The following GRID2 variants were observed in gnomAD, a reference collection of about 807,000 sequenced individuals.
The protein encoded by GRID2 is glutamate ionotropic receptor delta type subunit 2, also known as glutamate receptor ionotropic, delta-2.
A neutral mutation model predicts 114.8 loss-of-function variants in GRID2; 33 were observed. The observed-to-expected ratio is 0.29, with a 90% confidence interval of 0.22 to 0.38. The LOEUF is 0.38. Among genes scored for constraint, GRID2 ranks in the 10% least tolerant of loss-of-function variants. The probability of loss-of-function intolerance (pLI) is 1.00; values close to 1 mark genes in which losing one functional copy is unlikely to be tolerated. For missense variants in GRID2, 1,184 were observed against 1,257.7 expected, an observed-to-expected ratio of 0.94 and a Z score of 0.89; for synonymous variants, 505 against 449.9, an observed-to-expected ratio of 1.12 and a Z score of -1.55.
At chr4:92,878,935 A>G (rs912664029) in intron 2 of GRID2, among the ~76,000 whole-genome samples, 5 of 152,144 alleles carry the variant, frequency 3.3e-5, no homozygotes, top group African/African-American at 7.2e-5. Context: ...CTGTTGGTAT[A>G]CAAAATGTTA....
chr4:92,599,021 G>C (rs1489823200), intron 2 of GRID2, among the ~76,000 whole-genome samples: 1 of 140,160 alleles, frequency 7.1e-6, no homozygotes, highest in Non-Finnish European at 1.5e-5. Context: ...ATAATGAAAT[G>C]CTTTTCCTTT....
At chr4:92,432,353 G>A (rs1732504244) in intron 1 of GRID2, among the ~76,000 whole-genome samples, 1 of 152,120 alleles carries the variant, frequency 6.6e-6, no homozygotes, top group Admixed American at 6.5e-5. Context: ...AGCTGGCCCA[G>A]GGTGGGTCCA....
chr4:93,660,429 T>C (rs1176787013), intron 14 of GRID2, among the ~76,000 whole-genome samples: 1 of 151,956 alleles, frequency 6.6e-6, no homozygotes, highest in Non-Finnish European at 1.5e-5. Context: ...GTCAGAGAGG[T>C]ACGATTTAAT....
chr4:93,780,814 C>G (rs962938028), intron 1 of GRID2, among the ~76,000 whole-genome samples: 1 of 152,070 alleles, frequency 6.6e-6, no homozygotes, highest in African/African-American at 2.4e-5. Flanking sequence ...GAAACAGGCT[C>G]TTAAAGGGGC....
rs548001358 is a variant in GRID2, at chr4:93,608,882, G to A, written c.2194-17387G>A. Among the ~76,000 whole-genome samples the A allele has an allele frequency of 7.6e-5, 10 of 131,976 alleles. 2 individuals are homozygous for A. The South Asian group carries it at 1.3e-3, about 17-fold the overall frequency. 86.6% of individuals were successfully genotyped at this position (131,976 alleles called of 152,430 possible). ...TCTAGTTCTAGATCCCTGAGGAATC[G>A]CCACACTGACTTCCACAATGGTTGA... On this transcript the variant is annotated intron_variant, in intron 13 of 15. Transcript: ENST00000282020.
chr4:93,221,779 G>T (rs1744903631), intron 6 of GRID2, among the ~76,000 whole-genome samples: 1 of 152,118 alleles, frequency 6.6e-6, no homozygotes, highest in Non-Finnish European at 1.5e-5. Context: ...GTAATGAAAA[G>T]CTCAGGGAAT....
At chr4:93,712,712 A>G (rs895051898) in intron 14 of GRID2, among the ~76,000 whole-genome samples, 3 of 152,212 alleles carry the variant, frequency 2.0e-5, no homozygotes, top group Non-Finnish European at 4.4e-5. Context: ...TTTTATTTCC[A>G]TAATGTGTGA....
intron 2 of GRID2, among the ~76,000 whole-genome samples, chr4:92,727,514 T>C (rs1736123356): frequency 6.6e-6 from 1 of 152,050 alleles, no homozygotes; most frequent in African/African-American, 2.4e-5. Flanking sequence ...CTGATATCCT[T>C]TGGGTTGGTT....
intron 14 of GRID2, among the ~76,000 whole-genome samples, chr4:93,652,064 A>G (rs1722628503): frequency 6.6e-6 from 1 of 152,164 alleles, no homozygotes; most frequent in African/African-American, 2.4e-5. Flanking sequence ...GTTATGGGCT[A>G]AATTTTGAAG....
chr4:92,978,169 G>A (rs528439273), intron 2 of GRID2, among the ~76,000 whole-genome samples: 3 of 152,162 alleles, frequency 2.0e-5, no homozygotes, highest in Non-Finnish European at 4.4e-5. Flanking sequence ...ATAGCCAAAG[G>A]TGTTGGAGGA....
chr4:93,005,672 A>T lies in GRID2; in HGVS notation c.245-79323A>T, dbSNP rs553863139. Among the ~76,000 whole-genome samples, 9 of 152,276 alleles carry T rather than the reference A, an allele frequency of 5.9e-5. No homozygotes were observed. The East Asian group carries it at 1.5e-3, about 26-fold the overall frequency. On this transcript the variant is annotated intron_variant, in intron 2 of 15. Coordinates refer to ENST00000282020, the MANE Select transcript of GRID2 (RefSeq NM_001510.4). ...CCCCAAGTCTTTCAACTGATTAATC[A>T]TTAAAAAGTCATAGTATATACATGC...
At chr4:92,367,584 A>G (rs1414647283) in intron 1 of GRID2, among the ~76,000 whole-genome samples, 1 of 152,182 alleles carries the variant, frequency 6.6e-6, no homozygotes, top group East Asian at 1.9e-4. Context: ...CTGGCAGCAT[A>G]TAGTGGGCAT....
intron 2 of GRID2, among the ~76,000 whole-genome samples, chr4:92,655,134 T>G (rs529279413): frequency 6.6e-5 from 10 of 152,176 alleles, no homozygotes; most frequent in African/African-American, 1.9e-4. Context: ...CAAGCACCAT[T>G]TATTGAAGAA....
At chr4:93,133,975 A>G (rs1351928402) in intron 4 of GRID2, among the ~76,000 whole-genome samples, 1 of 152,208 alleles carries the variant, frequency 6.6e-6, no homozygotes, top group Non-Finnish European at 1.5e-5. Context: ...AGAAGAATGC[A>G]TAGTCTCACT....
At chr4:93,290,127 C>T (rs145257947) in intron 8 of GRID2, among the ~76,000 whole-genome samples, 2 of 152,222 alleles carry the variant, frequency 1.3e-5, no homozygotes, top group African/African-American at 2.4e-5. Context: ...TAAAATCTGG[C>T]AAAACTGCCC....
At chr4:93,789,097 A>G (rs1310985725) in intron 1 of GRID2, among the ~76,000 whole-genome samples, 2 of 152,248 alleles carry the variant, frequency 1.3e-5, no homozygotes, top group African/African-American at 2.4e-5. Context: ...GCTAAAACAC[A>G]TGAATAATAG....
intron 2 of GRID2, among the ~76,000 whole-genome samples, chr4:93,001,320 C>T (rs966767176): frequency 2.0e-5 from 3 of 151,544 alleles, no homozygotes; most frequent in Admixed American, 6.6e-5. Context: ...TTTCAACACA[C>T]GCCCTCCAAT....
At chr4:93,535,934 C>T (rs1368404089) in intron 13 of GRID2, among the ~76,000 whole-genome samples, 1 of 151,784 alleles carries the variant, frequency 6.6e-6, no homozygotes, top group East Asian at 1.9e-4. Flanking sequence ...GCGTTTGTTG[C>T]CTATACTTTT....
At chr4:93,398,880 A>G (rs769087686) in intron 9 of GRID2, among the ~76,000 whole-genome samples, 2 of 150,816 alleles carry the variant, frequency 1.3e-5, no homozygotes, top group South Asian at 2.1e-4. Flanking sequence ...CATGCTTCCT[A>G]TGTCTTTCTG....
Sources: gnomAD v4.1 joint callset for allele counts (sites outside exome capture counted in the v4.1 genomes callset) on GRCh38, gnomAD v4.1.1 for gene constraint, MANE v1.5 for transcripts, NCBI Gene and HGNC (gene_info 2026-07-23, HGNC 2026-07-21) for gene names.